IPO8: variants seen among roughly 807,000 people sequenced by gnomAD.
IPO8 encodes the protein importin-8.
In IPO8, 65 loss-of-function variants were observed where a neutral mutation model predicts 141.2. That is an observed-to-expected ratio of 0.46 (90% CI 0.38 to 0.57). The LOEUF is 0.57. IPO8 is among the 20% of genes least tolerant of loss of function. The probability of loss-of-function intolerance (pLI) is 0.00; values close to 1 mark genes in which losing one functional copy is unlikely to be tolerated. For missense variants in IPO8, 980 were observed against 1,246.8 expected (o/e 0.79, Z 3.22); for synonymous variants, 411 against 420.3 (o/e 0.98, Z 0.27).
intron 13 of IPO8, among the ~76,000 whole-genome samples, chr12:30,664,347 G>A (rs1182659412): frequency 6.6e-6 from 1 of 152,112 alleles, no homozygotes; most frequent in Non-Finnish European, 1.5e-5. Context: ...GCTTTCTAGT[G>A]TACAAGGCAT....
intron 5 of IPO8, among the ~76,000 whole-genome samples, chr12:30,677,579 G>A (rs1389911371): frequency 6.6e-6 from 1 of 151,688 alleles, no homozygotes; most frequent in African/African-American, 2.4e-5. Flanking sequence ...ACAGCTCCAT[G>A]CATGTTATTG....
At chr12:30,671,683 A>G (rs1591838694) in intron 8 of IPO8, among the ~76,000 whole-genome samples, 1 of 150,620 alleles carries the variant, frequency 6.6e-6, no homozygotes, top group African/African-American at 2.4e-5. Flanking sequence ...TCAAAAAAAA[A>G]AAAAAAAAAA....
chr12:30,692,771 T>C (rs1371053), intron 1 of IPO8, among the ~76,000 whole-genome samples: 97,529 of 151,830 alleles, frequency 0.64, 32,554 homozygotes, highest in African/African-American at 0.82. Context: ...TTTTCTGAAC[T>C]GTTGTTCCTC....
intron 3 of IPO8, among the ~76,000 whole-genome samples, chr12:30,683,638 T>C (rs529583180): frequency 3.9e-5 from 6 of 152,290 alleles, no homozygotes; most frequent in East Asian, 1.9e-4. Flanking sequence ...CAAAAGTAAA[T>C]AGAATTAAAA....
chr12:30,665,873 C>A, intron 11 of IPO8, 28 bp from the exon 12 acceptor site: 2 of 1,426,678 alleles, frequency 1.4e-6, no homozygotes, highest in South Asian at 2.3e-5. Context: ...TCCATTTAGT[C>A]TACATGAACT....
intron 1 of IPO8, among the ~76,000 whole-genome samples, chr12:30,693,987 T>C (rs902062630): frequency 6.6e-5 from 10 of 152,148 alleles, no homozygotes; most frequent in African/African-American, 2.4e-4. Context: ...CTCATATACT[T>C]TTTCCACTTC....
chr12:30,665,533 AAT>A, intron 12 of IPO8, among the ~76,000 whole-genome samples, 194 bp downstream of exon 12: 1 of 152,236 alleles, frequency 6.6e-6, no homozygotes. Context: ...TTCACATATC[AAT>A]AGTTTCATAC....
intron 8 of IPO8, among the ~76,000 whole-genome samples, chr12:30,673,656 A>T (rs1221963250): frequency 3.3e-5 from 5 of 152,228 alleles, no homozygotes; most frequent in Admixed American, 6.5e-5. Context: ...GTGAAGAAAT[A>T]AAGATCAAAA....
intron 16 of IPO8, among the ~76,000 whole-genome samples, chr12:30,660,153 G>C (rs2052865373): frequency 6.6e-6 from 1 of 151,836 alleles, no homozygotes; most frequent in Non-Finnish European, 1.5e-5. Context: ...AACCCGGAAG[G>C]TGGAGGTTGC....
At chr12:30,678,017 A>T (rs2053144400) in intron 5 of IPO8, among the ~76,000 whole-genome samples, 1 of 151,424 alleles carries the variant, frequency 6.6e-6, no homozygotes, top group Non-Finnish European at 1.5e-5. Flanking sequence ...GCGCCTGTAA[A>T]TCGAGGCTGA....
chr12:30,655,129 G>A (rs1415159643), intron 17 of IPO8, among the ~76,000 whole-genome samples: 1 of 151,970 alleles, frequency 6.6e-6, no homozygotes, highest in Non-Finnish European at 1.5e-5. Flanking sequence ...TTAATTAAAG[G>A]CCACAGTTTA....
Position 30,637,024 on chromosome 12 carries a change from C to T in IPO8, c.2653G>A (p.Glu885Lys), listed in dbSNP as rs751369714. 1.9e-6 allele frequency: 3 copies of T among 1,614,072 alleles called. No homozygotes were observed. The highest frequency in any genetic ancestry group is 8.5e-7 in the Non-Finnish European group (1 of 1,179,952). ...VCATRQLVNR[E>K]DRSKAEKADM... Reference sequence around the variant, plus strand: ...GCTTTCTCTGCTTTTGAACGATCTTCCCGGTTTACCAGTTGTCTAGTAGCA... The same window carrying T: ...GCTTTCTCTGCTTTTGAACGATCTTTCCGGTTTACCAGTTGTCTAGTAGCA... The change falls in exon 22 of 25, where the codon GAA (glutamate) becomes AAA (lysine). Residue 885 changes from glutamate to lysine, a missense_variant. Transcript: ENST00000256079.
intron 12 of IPO8, 146 bp from the exon 13 acceptor site, chr12:30,665,455 A>C: frequency 1.5e-6 from 1 of 652,992 alleles, no homozygotes; most frequent in Non-Finnish European, 2.7e-6. Context: ...TTTTAAAACA[A>C]GACAAATATT....
chr12:30,693,586 C>T lies in IPO8; in HGVS notation c.84+1978G>A, dbSNP rs181643988. 2.6e-4 allele frequency among the ~76,000 whole-genome samples: 40 copies of T among 152,320 alleles called. No homozygotes were observed. In the East Asian group the frequency reaches 6.4e-3, roughly 24 times the overall value. Reference sequence around the variant, plus strand: ...GTGATTTACCCACTCATTTATCCAACAAAGTCGGATGTTACAGTGGTGGCA... The same window carrying T: ...GTGATTTACCCACTCATTTATCCAATAAAGTCGGATGTTACAGTGGTGGCA... On this transcript the variant is annotated intron_variant, in intron 1 of 24. Coordinates refer to ENST00000256079, the MANE Select transcript of IPO8 (RefSeq NM_006390.4).
chr12:30,651,915 T>A (rs945065338), intron 19 of IPO8, among the ~76,000 whole-genome samples: 2 of 152,104 alleles, frequency 1.3e-5, no homozygotes, highest in Admixed American at 6.6e-5. Flanking sequence ...TGTGGTTAAT[T>A]TTCCTAGCAC....
chr12:30,655,902 G>C (rs1311563279), intron 17 of IPO8, among the ~76,000 whole-genome samples: 1 of 152,164 alleles, frequency 6.6e-6, no homozygotes, highest in Non-Finnish European at 1.5e-5. Flanking sequence ...ACACCCACAT[G>C]ACGTGGGGCT....
intron 16 of IPO8, among the ~76,000 whole-genome samples, chr12:30,659,859 CA>C (rs71049460): frequency 1.5e-3 from 144 of 93,968 alleles, no homozygotes; most frequent in African/African-American, 2.3e-3. Context: ...TGTCTCAAAA[CA>C]AAAAAAAAAA....
At chr12:30,634,895 C>T (rs1349053794) in intron 22 of IPO8, among the ~76,000 whole-genome samples, 1 of 152,080 alleles carries the variant, frequency 6.6e-6, no homozygotes, top group Non-Finnish European at 1.5e-5. Context: ...CAGCATTATT[C>T]ACAATAGCCA....
chr12:30,652,078 G>T, intron 19 of IPO8, 114 bp downstream of exon 19: 1 of 568,268 alleles, frequency 1.8e-6, no homozygotes. Context: ...AATATATGTT[G>T]ATGAAGATAA....
Sources: gnomAD v4.1 joint callset for allele counts (sites outside exome capture counted in the v4.1 genomes callset) on GRCh38, gnomAD v4.1.1 for gene constraint, MANE v1.5 for transcripts, NCBI Gene and HGNC (gene_info 2026-07-23, HGNC 2026-07-21) for gene names.